The following ERC2 variants were observed in gnomAD, a reference collection of about 807,000 sequenced individuals.
ERC2 encodes the protein ELKS/RAB6-interacting/CAST family member 2.
In ERC2, 42 loss-of-function variants were observed where a neutral mutation model predicts 114.8. The observed-to-expected ratio is 0.37, with a 90% CI of 0.29 to 0.47. ERC2 has a LOEUF of 0.47. ERC2 is among the 20% of genes least tolerant of loss of function. The probability of loss-of-function intolerance (pLI) is 0.99; values close to 1 mark genes in which losing one functional copy is unlikely to be tolerated. For synonymous variants in ERC2, 454 were observed against 425.5 expected, an observed-to-expected ratio of 1.07 and a Z score of -0.82; for missense variants, 939 against 1,150.7, an observed-to-expected ratio of 0.82 and a Z score of 2.66.
intron 2 of ERC2, among the ~76,000 whole-genome samples, chr3:56,331,750 C>T (rs1405488253): frequency 6.6e-6 from 1 of 152,190 alleles, no homozygotes; most frequent in Non-Finnish European, 1.5e-5. Flanking sequence ...AACCACCTCA[C>T]TGCCTTCCCT....
At chr3:55,995,010 A>G (rs955514258) in intron 10 of ERC2, among the ~76,000 whole-genome samples, 2 of 152,210 alleles carry the variant, frequency 1.3e-5, no homozygotes, top group African/African-American at 2.4e-5. Context: ...AACAGAACAC[A>G]CTTCAAGTGC....
rs199616735 is a variant in ERC2, at chr3:55,945,704, C to CT, written c.2403+4720dup. On this transcript the variant is annotated intron_variant, in intron 13 of 17. Transcript: ENST00000288221. ...TTAAAAAATAAAATTGCCTTTCTAG[C>CT]TTTTTTTTTTAGAATTCTATTAAAA... Among the ~76,000 whole-genome samples the CT allele has an allele frequency of 8.0e-3, 1,184 of 147,788 alleles. 8 individuals are homozygous for CT. The highest frequency in any genetic ancestry group is 0.031 in the Middle Eastern group (9 of 290).
At chr3:55,847,854 G>A (rs559166944) in intron 14 of ERC2, among the ~76,000 whole-genome samples, 166 of 152,118 alleles carry the variant, frequency 1.1e-3, no homozygotes, top group African/African-American at 3.7e-3. Flanking sequence ...GCTGGAGTGC[G>A]GTGGTGCGAT....
chr3:55,801,927 T>G (rs958377995), intron 14 of ERC2, among the ~76,000 whole-genome samples: 1 of 152,210 alleles, frequency 6.6e-6, no homozygotes. Flanking sequence ...TCCGATCCAG[T>G]GGGTCTGGGG....
intron 17 of ERC2, among the ~76,000 whole-genome samples, chr3:55,680,351 G>A (rs943789575): frequency 3.9e-5 from 6 of 152,192 alleles, no homozygotes; most frequent in Non-Finnish European, 8.8e-5. Flanking sequence ...TCGAGGCAGA[G>A]GTGGCACTAA....
chr3:55,970,363 C>T (rs909791774), intron 12 of ERC2, among the ~76,000 whole-genome samples: 6 of 151,458 alleles, frequency 4.0e-5, no homozygotes, highest in African/African-American at 2.4e-5. Context: ...CTAATAATTA[C>T]TAATTAGTAA....
intron 2 of ERC2, among the ~76,000 whole-genome samples, chr3:56,367,712 T>A (rs2059202292): frequency 6.6e-6 from 1 of 152,078 alleles, no homozygotes; most frequent in Admixed American, 6.6e-5. Context: ...GACTCAGGGT[T>A]ACCAAACTTT....
At chr3:55,895,567 A>G (rs767965963) in intron 13 of ERC2, among the ~76,000 whole-genome samples, 3 of 152,198 alleles carry the variant, frequency 2.0e-5, no homozygotes, top group African/African-American at 7.2e-5. Context: ...GCCTGCACCC[A>G]TTCTGCACAA....
chr3:55,910,281 A>G (rs1035980343), intron 13 of ERC2, among the ~76,000 whole-genome samples: 2 of 151,918 alleles, frequency 1.3e-5, no homozygotes, highest in African/African-American at 4.8e-5. Context: ...AATCCCAGCT[A>G]CTCCGGAGGC....
intron 12 of ERC2, among the ~76,000 whole-genome samples, chr3:55,985,592 AT>A (rs1412903937): frequency 6.6e-6 from 1 of 152,140 alleles, no homozygotes; most frequent in Non-Finnish European, 1.5e-5. Context: ...ATGGGCAGAT[AT>A]TTTGTTCTCC....
intron 14 of ERC2, among the ~76,000 whole-genome samples, chr3:55,781,713 A>G (rs1325596674): frequency 6.6e-6 from 1 of 151,972 alleles, no homozygotes; most frequent in Non-Finnish European, 1.5e-5. Context: ...TCTACTAAAA[A>G]TACAAAAAAT....
intron 6 of ERC2, among the ~76,000 whole-genome samples, chr3:56,084,677 C>T (rs920751227): frequency 6.6e-6 from 1 of 151,784 alleles, no homozygotes; most frequent in African/African-American, 2.4e-5. Context: ...CATGTGAAGT[C>T]GTATAATGGA....
At chr3:56,249,249 A>G (rs1053644898) in intron 3 of ERC2, among the ~76,000 whole-genome samples, 3 of 152,238 alleles carry the variant, frequency 2.0e-5, no homozygotes, top group Admixed American at 2.0e-4. Context: ...TTCATATCAT[A>G]CATATGCTGG....
rs1364026708 is a variant in ERC2 at position 55,836,145 on chromosome 3, A to T, written c.2564+52244T>A. Reference sequence around the variant, plus strand: ...AAGAACATTCCATGCTCCTGGGTAGAAAGAATCAATATCGTGAAAATGGCC... The same window carrying T: ...AAGAACATTCCATGCTCCTGGGTAGTAAGAATCAATATCGTGAAAATGGCC... On this transcript the variant is annotated intron_variant, in intron 14 of 17. Transcript: ENST00000288221. 3.3e-5 allele frequency among the ~76,000 whole-genome samples: 5 copies of T among 152,058 alleles called. No homozygotes were observed. In the South Asian group the frequency reaches 1.0e-3, roughly 32 times the overall value.
intron 2 of ERC2, among the ~76,000 whole-genome samples, chr3:56,432,813 T>C (rs1162082511): frequency 6.6e-6 from 1 of 152,190 alleles, no homozygotes; most frequent in Admixed American, 6.5e-5. Flanking sequence ...CTCAATTTCC[T>C]TCAGAAAGTT....
intron 3 of ERC2, among the ~76,000 whole-genome samples, chr3:56,249,333 C>T (rs1046770308): frequency 1.3e-5 from 2 of 149,888 alleles, no homozygotes; most frequent in Non-Finnish European, 3.0e-5. Flanking sequence ...ATTAATTCAC[C>T]TTTTTTTTTT....
chr3:56,080,393 C>T (rs1410571384), intron 7 of ERC2, among the ~76,000 whole-genome samples: 1 of 152,096 alleles, frequency 6.6e-6, no homozygotes, highest in African/African-American at 2.4e-5. Context: ...ACCCCTGCCT[C>T]CCAAAAATCT....
At chr3:56,214,760 A>G (rs2049335423) in intron 3 of ERC2, among the ~76,000 whole-genome samples, 3 of 151,530 alleles carry the variant, frequency 2.0e-5, no homozygotes, top group African/African-American at 7.3e-5. Flanking sequence ...CATGTTACCC[A>G]CAAAGGGAAG....
chr3:56,116,667 G>A (rs148086780), intron 6 of ERC2, among the ~76,000 whole-genome samples: 1 of 152,052 alleles, frequency 6.6e-6, no homozygotes, highest in Admixed American at 6.6e-5. Flanking sequence ...TGCTCATGCT[G>A]TGCCCTCAAC....
Sources: gnomAD v4.1 joint callset for allele counts (sites outside exome capture counted in the v4.1 genomes callset) on GRCh38, gnomAD v4.1.1 for gene constraint, MANE v1.5 for transcripts, NCBI Gene and HGNC (gene_info 2026-07-23, HGNC 2026-07-21) for gene names.